Variants in UGGT1 observed in about 807,000 individuals in gnomAD.
UGGT1 encodes UDP-glucose glycoprotein glucosyltransferase 1.
UGGT1 carries 107 observed loss-of-function variants against 203.9 expected under a neutral mutation model. The observed-to-expected ratio is 0.52, with a 90% CI of 0.45 to 0.62. UGGT1 has a LOEUF of 0.62. Among genes scored for constraint, UGGT1 ranks in the 20% least tolerant of loss-of-function variants. UGGT1 has a pLI of 0.00. For synonymous variants in UGGT1, 628 were observed against 653.5 expected, an observed-to-expected ratio of 0.96 and a Z score of 0.59; for missense variants, 1,673 against 1,867.2, an observed-to-expected ratio of 0.90 and a Z score of 1.92.
At chr2:128,118,771 C>G (rs892968432) in intron 8 of UGGT1, among the ~76,000 whole-genome samples, 4 of 152,028 alleles carry the variant, frequency 2.6e-5, no homozygotes, top group African/African-American at 7.3e-5. Context: ...GGCTGGAGTG[C>G]AGTGGCGCCA....
At chr2:128,149,977 T>G (rs1689872121) in intron 18 of UGGT1, among the ~76,000 whole-genome samples, 1 of 151,970 alleles carries the variant, frequency 6.6e-6, no homozygotes, top group Non-Finnish European at 1.5e-5. Flanking sequence ...AATATATAAG[T>G]AAAATAAAAT....
intron 7 of UGGT1, 150 bp downstream of exon 7, chr2:128,115,370 A>G (rs1427433856): frequency 8.4e-6 from 5 of 591,868 alleles, no homozygotes; most frequent in Non-Finnish European, 1.5e-5. Context: ...ACCCTTAAGC[A>G]GATTCTCTAG....
At chr2:128,171,649 A>T (rs562967907) in intron 28 of UGGT1, among the ~76,000 whole-genome samples, 101 of 152,206 alleles carry the variant, frequency 6.6e-4, no homozygotes, top group African/African-American at 2.4e-3. Flanking sequence ...CTGGGATTAC[A>T]GGTGCACACT....
intron 10 of UGGT1, 110 bp from the exon 11 acceptor site, chr2:128,123,076 T>G (rs1688455915): frequency 1.4e-6 from 1 of 737,170 alleles, no homozygotes. Context: ...TTTTTCCCAT[T>G]CAGTTTTTTC....
intron 5 of UGGT1, 100 bp from the exon 6 acceptor site, chr2:128,112,984 A>T: frequency 8.8e-7 from 1 of 1,134,494 alleles, no homozygotes; most frequent in Non-Finnish European, 1.2e-6. Context: ...GATGCTTATA[A>T]TCTTTATTTG....
At chr2:128,187,814 T>G (rs1346708085) in intron 40 of UGGT1, among the ~76,000 whole-genome samples, 200 bp downstream of exon 40, 2 of 116,798 alleles carry the variant, frequency 1.7e-5, no homozygotes, top group African/African-American at 4.7e-5. Context: ...AATTGCTATG[T>G]TTTTTTTTTT....
chr2:128,179,487 CTAATA>C (rs1396872056), intron 34 of UGGT1, among the ~76,000 whole-genome samples: 1 of 152,132 alleles, frequency 6.6e-6, no homozygotes, highest in Non-Finnish European at 1.5e-5. Context: ...TGGACCATAA[CTAATA>C]TATCAGTTCA....
rs758897627 is a variant in UGGT1, at chr2:128,120,372, C to T, written c.889C>T (p.Leu297=). ...FGKLRDLHPD[L]EGQLKELRKH... ...TTCTTTTAGAGATCTGCACCCCGAC[C>T]TGGAGGGACAGTTGAAAGAACTCAG... is the stretch of plus-strand genomic sequence containing the variant. The change falls in exon 9 of 41, where the codon CTG becomes TTG. Residue 297 remains leucine, a synonymous_variant. Coordinates refer to ENST00000259253, the MANE Select transcript of UGGT1 (RefSeq NM_020120.4). The T allele has an allele frequency of 1.2e-6, 2 of 1,613,740 alleles. No homozygotes were observed. Among genetic ancestry groups the T allele is most frequent in the Admixed American group, 3.3e-5 (2 of 59,932 alleles).
chr2:128,165,136 A>G (rs963857740), intron 26 of UGGT1, among the ~76,000 whole-genome samples: 2 of 152,254 alleles, frequency 1.3e-5, no homozygotes, highest in African/African-American at 4.8e-5. Flanking sequence ...AAATTCGAGA[A>G]TAAACACAGG....
At position 128,164,772 on chromosome 2, in the gene UGGT1, G is replaced by T; in HGVS notation, c.2868G>T (p.Ala956=). Residue 956 remains alanine (A), a synonymous_variant, in exon 26 of 41, where the codon GCG becomes GCT. Coordinates refer to ENST00000259253, the MANE Select transcript of UGGT1 (RefSeq NM_020120.4). ...LVMKVDALLS[A]QPKGDPRIEY... Reference sequence around the variant, plus strand: ...TGAAGGTGGATGCTCTTCTGTCAGCGCAACCAAAAGGAGATCCAAGAATCG... The same window carrying T: ...TGAAGGTGGATGCTCTTCTGTCAGCTCAACCAAAAGGAGATCCAAGAATCG... The T allele has an allele frequency of 1.2e-6, 2 of 1,612,984 alleles. No homozygotes were observed. Among genetic ancestry groups the T allele is most frequent in the Non-Finnish European group, 8.5e-7 (1 of 1,179,498 alleles).
At chr2:128,179,658 C>T (rs1040540752) in intron 34 of UGGT1, 128 bp from the exon 35 acceptor site, 11 of 693,494 alleles carry the variant, frequency 1.6e-5, no homozygotes, top group Non-Finnish European at 2.1e-5. Flanking sequence ...GCGTCTCCCT[C>T]GGCCTAATTG....
intron 2 of UGGT1, 69 bp downstream of exon 2, chr2:128,097,633 G>T: frequency 6.3e-7 from 1 of 1,575,290 alleles, no homozygotes. Context: ...GAACATTCAG[G>T]AGCTTTTTAA....
chr2:128,108,882 A>G (rs1396401631), intron 4 of UGGT1, among the ~76,000 whole-genome samples: 1 of 151,950 alleles, frequency 6.6e-6, no homozygotes, highest in African/African-American at 2.4e-5. Context: ...CCAAAGGTAC[A>G]TCTTCACACA....
intron 5 of UGGT1, among the ~76,000 whole-genome samples, chr2:128,112,123 T>TA (rs1687885443): frequency 6.8e-6 from 1 of 147,260 alleles, no homozygotes; most frequent in Non-Finnish European, 1.5e-5. Flanking sequence ...TATAACATAA[T>TA]ATAACATATT....
chr2:128,103,654 A>G (rs1283777297), intron 2 of UGGT1, among the ~76,000 whole-genome samples: 1 of 152,046 alleles, frequency 6.6e-6, no homozygotes, highest in East Asian at 1.9e-4. Flanking sequence ...CTTTCTTTAT[A>G]TTGAGACTTC....
rs564051191 is a variant in UGGT1, at chr2:128,186,663, A to T, written c.4360-20A>T. The T allele has an allele frequency of 2.0e-6, 3 of 1,524,772 alleles. No individual in the cohort carries two copies. The highest frequency in any genetic ancestry group is 2.3e-5 in the East Asian group (1 of 43,174). 94.5% of individuals were successfully genotyped at this position (1,524,772 alleles called of 1,614,324 possible). A position where few individuals can be genotyped will look rare whatever the true frequency, so the allele number is the denominator to read the frequency against. On this transcript the variant is annotated intron_variant, in intron 38 of 40. Transcript: ENST00000259253. ...CTTTAGATACATGTATTTTATTTTT[A>T]TTTTTTTTTAACCAAACAGGATCTG...
At chr2:128,139,653 G>C (rs950505588) in intron 16 of UGGT1, 2 of 153,090 alleles carry the variant, frequency 1.3e-5, no homozygotes, top group African/African-American at 2.4e-5. Context: ...TAGGGCTGAA[G>C]GGGCGCAGGC....
chr2:128,173,618 T>C (rs1042554708), intron 29 of UGGT1, among the ~76,000 whole-genome samples, 163 bp from the exon 30 acceptor site: 6 of 152,246 alleles, frequency 3.9e-5, no homozygotes, highest in African/African-American at 1.4e-4. Context: ...CAACAACTGA[T>C]CTGCTTTCTG....
chr2:128,169,048 TAAA>T (rs544381740), intron 26 of UGGT1, among the ~76,000 whole-genome samples: 63 of 52,512 alleles, frequency 1.2e-3, no homozygotes, highest in African/African-American at 2.5e-3. Context: ...ACTCTGTCTT[TAAA>T]AAAAAAAAAA....
Sources: allele counts gnomAD v4.1 joint callset (sites outside exome capture counted in the v4.1 genomes callset), GRCh38; gene constraint gnomAD v4.1.1; transcripts MANE v1.5; gene names NCBI Gene and HGNC (gene_info 2026-07-23, HGNC 2026-07-21).